The following DOCK1 variants were observed in gnomAD, a reference collection of about 807,000 sequenced individuals.
DOCK1 encodes the protein dedicator of cytokinesis protein 1.
In DOCK1, 138 loss-of-function variants were observed where a neutral mutation model predicts 262.7. The ratio of observed to expected loss-of-function variants is 0.53; its 90% CI spans 0.46 to 0.61. The LOEUF (loss-of-function observed/expected upper bound fraction) is 0.61. Ranked by LOEUF, DOCK1 falls within the 20% of genes least tolerant of loss-of-function variation. The pLI, the probability that DOCK1 is intolerant of heterozygous loss-of-function variation, is 0.00. For missense variants in DOCK1, 1,908 were observed against 2,370.7 expected (o/e 0.80, Z 4.05); for synonymous variants, 866 against 867.4 (o/e 1.00, Z 0.03).
At chr10:127,089,828 G>A (rs1030418145) in intron 23 of DOCK1, among the ~76,000 whole-genome samples, 3 of 152,220 alleles carry the variant, frequency 2.0e-5, no homozygotes, top group African/African-American at 7.2e-5. Context: ...AGAAAAGATT[G>A]TCTGACTTGT....
chr10:126,970,920 T>A, intron 2 of DOCK1, 135 bp downstream of exon 2: 1 of 910,128 alleles, frequency 1.1e-6, no homozygotes, highest in Non-Finnish European at 1.6e-6. Flanking sequence ...TCCCTTTTCT[T>A]GCAGATGGAT....
chr10:127,205,874 T>C (rs2057696593), intron 27 of DOCK1, among the ~76,000 whole-genome samples: 1 of 152,220 alleles, frequency 6.6e-6, no homozygotes, highest in Non-Finnish European at 1.5e-5. Context: ...ATAGTCTCTC[T>C]GTTTGAATAC....
chr10:127,373,760 G>T, intron 33 of DOCK1, 21 bp from the exon 34 acceptor site: 1 of 1,588,302 alleles, frequency 6.3e-7, no homozygotes, highest in Non-Finnish European at 8.6e-7. Flanking sequence ...GATTATTTAC[G>T]CTTCCTCTGT....
At chr10:127,127,366 G>T (rs949800611) in intron 26 of DOCK1, among the ~76,000 whole-genome samples, 1 of 152,138 alleles carries the variant, frequency 6.6e-6, no homozygotes, top group African/African-American at 2.4e-5. Flanking sequence ...AAACTAATTG[G>T]TGGGCTAATC....
chr10:126,950,578 C>G (rs1056831519), intron 1 of DOCK1, among the ~76,000 whole-genome samples: 1 of 152,106 alleles, frequency 6.6e-6, no homozygotes, highest in East Asian at 1.9e-4. Flanking sequence ...GAGAGAGGGA[C>G]TCTGCAGCCT....
chr10:126,997,862 G>C (rs903497673), intron 7 of DOCK1: 1 of 510,738 alleles, frequency 2.0e-6, no homozygotes, highest in East Asian at 3.1e-5. Context: ...TGAAAGTTTT[G>C]TATCTCTGAA....
chr10:126,998,142 C>G lies in DOCK1; in HGVS notation c.660C>G (p.Thr220=), dbSNP rs1293522410. 6.2e-7 allele frequency: 1 copy of G among 1,614,010 alleles called. No individual in the cohort carries two copies. The highest frequency in any genetic ancestry group is 8.5e-7 in the Non-Finnish European group (1 of 1,179,902). ...DINRQAKFAA[T]PSLALFVNLK... is the part of the protein sequence containing the mutation. Reference sequence around the variant, plus strand: ...ACAGACAAGCCAAGTTTGCTGCAACCCCTTCTCTGGCCTTGTTTGTGAACC... The same window carrying G: ...ACAGACAAGCCAAGTTTGCTGCAACGCCTTCTCTGGCCTTGTTTGTGAACC... The change falls in exon 8 of 52, where the codon ACC becomes ACG. Residue 220 remains threonine, a synonymous_variant. Transcript: ENST00000623213.
At chr10:126,938,909 G>A (rs2034758424) in intron 1 of DOCK1, among the ~76,000 whole-genome samples, 1 of 100,574 alleles carries the variant, frequency 9.9e-6, no homozygotes, top group East Asian at 3.4e-4. Flanking sequence ...AGGAGGGGAC[G>A]AACACCTGAA....
At chr10:126,997,070 AAG>A (rs146726749) in intron 7 of DOCK1, among the ~76,000 whole-genome samples, 187 bp downstream of exon 7, 2,780 of 152,202 alleles carry the variant, frequency 0.018, 79 homozygotes, top group African/African-American at 0.064. Flanking sequence ...CATGACATGA[AAG>A]GGGGTCGGAC....
intron 6 of DOCK1, among the ~76,000 whole-genome samples, chr10:126,996,535 ATTTTTTTTTTTT>A (rs10538924): frequency 1.5e-5 from 2 of 136,204 alleles, no homozygotes; most frequent in African/African-American, 5.5e-5. Context: ...AAAATTGAGG[ATTTTTTTTTTTT>A]TTTTTTTTTT....
chr10:126,929,879 A>G (rs900352312), intron 1 of DOCK1, among the ~76,000 whole-genome samples: 3 of 152,230 alleles, frequency 2.0e-5, no homozygotes, highest in African/African-American at 7.2e-5. Flanking sequence ...AGAAGGTCAC[A>G]GTGTTGTGCA....
intron 33 of DOCK1, among the ~76,000 whole-genome samples, chr10:127,363,125 G>T (rs1184636851): frequency 7.4e-6 from 1 of 134,830 alleles, no homozygotes; most frequent in Non-Finnish European, 1.6e-5. Flanking sequence ...TCTCCTTAGT[G>T]TACTAATGGT....
At chr10:126,963,649 TC>T in intron 1 of DOCK1, among the ~76,000 whole-genome samples, 1 of 92,180 alleles carries the variant, frequency 1.1e-5, no homozygotes. Context: ...CCTCCTTCCT[TC>T]CTTCCTTCCT....
At chr10:127,323,109 C>T (rs2062607759) in intron 29 of DOCK1, among the ~76,000 whole-genome samples, 3 of 152,154 alleles carry the variant, frequency 2.0e-5, no homozygotes, top group South Asian at 2.1e-4. Context: ...GGGAAGCCTG[C>T]CCCTCCCCTG....
intron 22 of DOCK1, among the ~76,000 whole-genome samples, chr10:127,061,044 C>G (rs975418385): frequency 1.3e-5 from 2 of 152,160 alleles, no homozygotes; most frequent in African/African-American, 4.8e-5. Context: ...GCCTGGCCAA[C>G]ATGGTGTAAC....
At chr10:127,283,298 G>A (rs1157788039) in intron 29 of DOCK1, among the ~76,000 whole-genome samples, 6 of 152,216 alleles carry the variant, frequency 3.9e-5, no homozygotes, top group African/African-American at 1.4e-4. Flanking sequence ...TGGGAAAGGA[G>A]GCCTGGACTG....
At chr10:127,196,401 T>A (rs1407242601) in intron 27 of DOCK1, among the ~76,000 whole-genome samples, 1 of 148,448 alleles carries the variant, frequency 6.7e-6, no homozygotes, top group Admixed American at 6.7e-5. Context: ...TTTACTGCAA[T>A]TGTCTTCGGC....
At chr10:127,237,231 G>T (rs957718328) in intron 27 of DOCK1, among the ~76,000 whole-genome samples, 13 of 151,734 alleles carry the variant, frequency 8.6e-5, no homozygotes, top group Admixed American at 8.5e-4. Flanking sequence ...ATGGTGACGG[G>T]TGCCTGTAAT....
chr10:127,083,316 C>T (rs1292263606), intron 23 of DOCK1, among the ~76,000 whole-genome samples: 1 of 152,196 alleles, frequency 6.6e-6, no homozygotes, highest in Non-Finnish European at 1.5e-5. Flanking sequence ...GGTGCCCTCC[C>T]TTCCCAGGAC....
Sources: allele counts gnomAD v4.1 joint callset (sites outside exome capture counted in the v4.1 genomes callset), GRCh38; gene constraint gnomAD v4.1.1; transcripts MANE v1.5; gene names NCBI Gene and HGNC (gene_info 2026-07-23, HGNC 2026-07-21).